SEMA3C: variants seen among roughly 807,000 people sequenced by gnomAD.
SEMA3C encodes the protein semaphorin-3C.
A neutral mutation model predicts 89.4 loss-of-function variants in SEMA3C; 47 were observed. The observed-to-expected ratio is 0.53, with a 90% CI of 0.42 to 0.67. The LOEUF (loss-of-function observed/expected upper bound fraction) is 0.67, where lower values mean the gene tolerates loss of function less well. Among genes scored for constraint, SEMA3C ranks in the 30% least tolerant of loss-of-function variants. SEMA3C has a pLI of 0.00. For synonymous variants in SEMA3C, 310 were observed against 320.2 expected, an observed-to-expected ratio of 0.97 and a Z score of 0.34; for missense variants, 839 against 929.1, an observed-to-expected ratio of 0.90 and a Z score of 1.26.
intron 15 of SEMA3C, among the ~76,000 whole-genome samples, chr7:80,754,968 T>G (rs75958721): frequency 7.5e-3 from 58 of 7,710 alleles, no homozygotes; most frequent in Middle Eastern, 0.17. Context: ...TTTTTTTTTT[T>G]TTTGTATTTT....
chr7:80,916,428 A>G (rs995938903), intron 2 of SEMA3C, among the ~76,000 whole-genome samples: 2 of 152,212 alleles, frequency 1.3e-5, no homozygotes, highest in Admixed American at 1.3e-4. Flanking sequence ...TACACAGGCA[A>G]GCACAGAAGA....
chr7:80,915,343 C>G (rs1369532001), intron 2 of SEMA3C, among the ~76,000 whole-genome samples: 1 of 152,164 alleles, frequency 6.6e-6, no homozygotes, highest in African/African-American at 2.4e-5. Flanking sequence ...CAATTAGAAG[C>G]TCACACATTC....
At chr7:80,921,958 A>G (rs1336317477), upstream of SEMA3C, among the ~76,000 whole-genome samples, 1 of 152,218 alleles carries the variant, frequency 6.6e-6, no homozygotes, top group East Asian at 1.9e-4. Context: ...TTTCCCTATT[A>G]TACAGATGAG....
rs117155257 is a variant in SEMA3C, at chr7:80,846,974, G to A, written c.104-18229C>T. Among the ~76,000 whole-genome samples the A allele has an allele frequency of 4.6e-3, 705 of 152,248 alleles. 26 individuals are homozygous for A. The East Asian group carries it at 0.1, about 22-fold the overall frequency. On this transcript the variant is annotated intron_variant, in intron 2 of 17. Coordinates refer to ENST00000265361, the MANE Select transcript of SEMA3C (RefSeq NM_006379.5). The stretch of plus-strand genomic sequence containing the variant: ...AACACCTCCCTCCAGTACTCCTTTT[G>A]TATACTGAGTACATGTCCATTCTTA...
chr7:80,839,376 G>T (rs879274615), intron 2 of SEMA3C, among the ~76,000 whole-genome samples: 6 of 152,102 alleles, frequency 3.9e-5, no homozygotes, highest in Admixed American at 1.3e-4. Context: ...AGGTGTTCAA[G>T]AACAGTGGTT....
intron 10 of SEMA3C, 34 bp downstream of exon 10, chr7:80,800,719 ATTGT>A (rs1444997583): frequency 1.6e-6 from 2 of 1,237,112 alleles, no homozygotes; most frequent in Admixed American, 2.2e-5. Context: ...CATGAAGTTT[ATTGT>A]TTAACTCATA....
intron 12 of SEMA3C, among the ~76,000 whole-genome samples, chr7:80,788,641 T>C (rs1489981201): frequency 6.6e-6 from 1 of 152,204 alleles, no homozygotes; most frequent in Admixed American, 6.5e-5. Flanking sequence ...TTCATTCAAC[T>C]TCTATCAGAG....
At chr7:80,761,956 G>A (rs1466704682) in intron 13 of SEMA3C, among the ~76,000 whole-genome samples, 1 of 151,876 alleles carries the variant, frequency 6.6e-6, no homozygotes, top group Admixed American at 6.6e-5. Flanking sequence ...GGGCATGGTG[G>A]TGGGCACCTG....
chr7:80,888,458 C>T (rs1791534418), intron 2 of SEMA3C, among the ~76,000 whole-genome samples: 1 of 151,984 alleles, frequency 6.6e-6, no homozygotes, highest in South Asian at 2.1e-4. Flanking sequence ...GAGTGAGACC[C>T]TGTCTAAAAA....
chr7:80,752,181 C>T (rs568668169), intron 15 of SEMA3C, among the ~76,000 whole-genome samples: 2 of 152,270 alleles, frequency 1.3e-5, no homozygotes, highest in Admixed American at 6.5e-5. Context: ...ACAACATAAT[C>T]TAATGCATAT....
chr7:80,903,634 C>G (rs899410059), intron 2 of SEMA3C, among the ~76,000 whole-genome samples: 2 of 152,110 alleles, frequency 1.3e-5, no homozygotes, highest in African/African-American at 4.8e-5. Flanking sequence ...TGCACTCCAG[C>G]CTGGGTGACA....
intron 2 of SEMA3C, among the ~76,000 whole-genome samples, chr7:80,888,238 C>T (rs1791528822): frequency 6.6e-6 from 1 of 151,854 alleles, no homozygotes; most frequent in Non-Finnish European, 1.5e-5. Context: ...CATGGCAAAA[C>T]CCCATCTCTA....
chr7:80,843,203 C>G (rs1340522459), intron 2 of SEMA3C, among the ~76,000 whole-genome samples: 4 of 152,056 alleles, frequency 2.6e-5, no homozygotes, highest in African/African-American at 9.7e-5. Context: ...AAGAGAGGAC[C>G]TGAATCGTTT....
intron 2 of SEMA3C, among the ~76,000 whole-genome samples, chr7:80,840,080 T>C (rs577141531): frequency 9.1e-4 from 139 of 152,156 alleles, no homozygotes; most frequent in African/African-American, 2.8e-3. Context: ...ACACAGCCCA[T>C]AGCTCTCTAT....
chr7:80,822,150 A>T (rs1789763880), intron 4 of SEMA3C, among the ~76,000 whole-genome samples: 1 of 152,206 alleles, frequency 6.6e-6, no homozygotes, highest in South Asian at 2.1e-4. Flanking sequence ...CAGTGGAATG[A>T]ATAGACTCAA....
At chr7:80,922,179 A>G, upstream of SEMA3C, 8 of 1,086,720 alleles carry the variant, frequency 7.4e-6, no homozygotes, top group Non-Finnish European at 9.8e-6. Flanking sequence ...TCAAATGGGT[A>G]GTAAATATCA....
At chr7:80,876,343 C>T (rs888038487) in intron 2 of SEMA3C, among the ~76,000 whole-genome samples, 3 of 152,090 alleles carry the variant, frequency 2.0e-5, no homozygotes, top group Non-Finnish European at 4.4e-5. Context: ...TGGTGCCACT[C>T]TTCTATACAG....
chr7:80,891,257 A>G (rs1791605150), intron 2 of SEMA3C, among the ~76,000 whole-genome samples: 1 of 152,188 alleles, frequency 6.6e-6, no homozygotes, highest in African/African-American at 2.4e-5. Context: ...CCCTCCTGCC[A>G]TCTTCCGTCT....
rs1215661147 is a variant in SEMA3C at position 80,812,961 on chromosome 7, ATTT to A, written c.448-2263_448-2261del. ...ACCACCACGCCTGGCTATTTTTTGT[ATTT>A]TTTTTTTTTTTTTTTTTTTTTAATA... On this transcript the variant is annotated intron_variant, in intron 5 of 17. Coordinates refer to ENST00000265361, the MANE Select transcript of SEMA3C (RefSeq NM_006379.5). Among the ~76,000 whole-genome samples, 901 of 92,484 alleles carry A rather than the reference ATTT, an allele frequency of 9.7e-3. 4 individuals are homozygous for A. The highest frequency in any genetic ancestry group is 0.012 in the African/African-American group (286 of 23,334). 60.7% of individuals were successfully genotyped at this position (92,484 alleles called of 152,430 possible). A position where few individuals can be genotyped will look rare whatever the true frequency, so the allele number is the denominator to read the frequency against.
Sources: allele counts gnomAD v4.1 joint callset (sites outside exome capture counted in the v4.1 genomes callset), GRCh38; gene constraint gnomAD v4.1.1; transcripts MANE v1.5; gene names NCBI Gene and HGNC (gene_info 2026-07-23, HGNC 2026-07-21).